The following HERC4 variants were observed in gnomAD, a reference collection of about 807,000 sequenced individuals.
HERC4 encodes probable E3 ubiquitin-protein ligase HERC4.
Under a neutral mutation model 124.3 loss-of-function variants are expected in HERC4, and 28 were observed. That is an observed-to-expected ratio of 0.23 (90% CI 0.17 to 0.31). The LOEUF (loss-of-function observed/expected upper bound fraction) is 0.31, where lower values mean the gene tolerates loss of function less well. Ranked by LOEUF, HERC4 falls within the 10% of genes least tolerant of loss-of-function variation. The probability of loss-of-function intolerance (pLI) is 1.00; values close to 1 mark genes in which losing one functional copy is unlikely to be tolerated. For synonymous variants in HERC4, 407 were observed against 421.5 expected (o/e 0.97, Z 0.42); for missense variants, 713 against 1,229.3 (o/e 0.58, Z 6.28).
chr10:67,990,186 A>G (rs1455420431), intron 14 of HERC4, 25 bp downstream of exon 14: 1 of 1,559,340 alleles, frequency 6.4e-7, no homozygotes, highest in Non-Finnish European at 8.7e-7. Context: ...AAAGGTTTCA[A>G]AAGAAAAAAT....
At chr10:68,056,045 G>A (rs2040533284) in intron 3 of HERC4, among the ~76,000 whole-genome samples, 2 of 152,070 alleles carry the variant, frequency 1.3e-5, no homozygotes. Context: ...ACCACGCCTG[G>A]CCCTTTTCTT....
intron 5 of HERC4, among the ~76,000 whole-genome samples, chr10:68,036,845 T>C (rs2039499190): frequency 6.6e-6 from 1 of 152,168 alleles, no homozygotes. Context: ...TTATATCAAT[T>C]AGAAACAATT....
chr10:68,056,362 C>T (rs535092249), intron 3 of HERC4, among the ~76,000 whole-genome samples: 12 of 152,140 alleles, frequency 7.9e-5, no homozygotes, highest in Non-Finnish European at 1.8e-4. Context: ...CATTCAACAA[C>T]CCTGCCCTGA....
intron 7 of HERC4, among the ~76,000 whole-genome samples, chr10:68,031,384 G>A (rs2039193745): frequency 6.6e-6 from 1 of 151,990 alleles, no homozygotes; most frequent in Non-Finnish European, 1.5e-5. Flanking sequence ...GAAAAAGGAC[G>A]AGTAAAATTT....
rs545225514 is a variant in HERC4, at chr10:67,977,864, C to G, written c.1806+10799G>C. On this transcript the variant is annotated intron_variant, in intron 15 of 24. Transcript: ENST00000373700. ...AGCACAATGTCACATGCCTGTAGTC[C>G]CAGCTACTTGGGAGGCTGAGGTGGG... Among the ~76,000 whole-genome samples the G allele has an allele frequency of 2.0e-5, 3 of 151,850 alleles. No homozygotes were observed. The East Asian group carries it at 5.8e-4, about 29-fold the overall frequency.
At chr10:67,923,269 AT>A in intron 24 of HERC4, 130 bp from the exon 25 acceptor site, 1 of 630,504 alleles carries the variant, frequency 1.6e-6, no homozygotes, top group Non-Finnish European at 2.7e-6. Flanking sequence ...TTACTTCCTA[AT>A]TTGTGGAAGA....
intron 9 of HERC4, among the ~76,000 whole-genome samples, chr10:68,006,764 A>T (rs2037593404): frequency 6.6e-6 from 1 of 152,056 alleles, no homozygotes; most frequent in Admixed American, 6.5e-5. Context: ...TTCTGGGATA[A>T]ATGTTATTTT....
intron 21 of HERC4, among the ~76,000 whole-genome samples, chr10:67,938,548 T>C (rs1165856429): frequency 6.6e-6 from 1 of 152,182 alleles, no homozygotes; most frequent in Non-Finnish European, 1.5e-5. Context: ...CTGGAGTGCC[T>C]TACCGTAATA....
rs763339420 is a variant in HERC4, at chr10:67,940,921, C to CT, written c.2504+17dup. 6.3e-5 allele frequency: 101 copies of CT among 1,600,166 alleles called. No homozygotes were observed. The highest frequency in any genetic ancestry group is 7.3e-5 in the Non-Finnish European group (86 of 1,175,508). ...CCTCCCAAACCCTACTACTTTTTGA[C>CT]TTTTTTTTCCAACTAACCTCCCAAC... On this transcript the variant is annotated intron_variant, in intron 20 of 24. Transcript: ENST00000373700.
intron 15 of HERC4, among the ~76,000 whole-genome samples, chr10:67,976,560 A>G (rs1196928021): frequency 6.6e-6 from 1 of 151,962 alleles, no homozygotes; most frequent in Non-Finnish European, 1.5e-5. Flanking sequence ...CAATTTAACA[A>G]CTATCTACAC....
intron 11 of HERC4, 137 bp from the exon 12 acceptor site, chr10:67,991,336 A>G: frequency 4.6e-6 from 2 of 432,842 alleles, no homozygotes; most frequent in South Asian, 1.5e-4. Context: ...CAATTAGATG[A>G]ATCAGAATTA....
At chr10:67,982,984 T>C (rs1175891887) in intron 15 of HERC4, among the ~76,000 whole-genome samples, 2 of 146,400 alleles carry the variant, frequency 1.4e-5, no homozygotes, top group African/African-American at 2.6e-5. Flanking sequence ...AAAAATTAGC[T>C]GGGCATGGTG....
intron 9 of HERC4, among the ~76,000 whole-genome samples, chr10:67,996,617 G>GT (rs1291548810): frequency 6.6e-6 from 1 of 152,072 alleles, no homozygotes. Context: ...TTAAAAAATA[G>GT]TTTTTTATTT....
intron 3 of HERC4, among the ~76,000 whole-genome samples, chr10:68,048,879 T>C (rs1332958712): frequency 2.0e-5 from 3 of 152,158 alleles, no homozygotes; most frequent in African/African-American, 7.2e-5. Context: ...CAAGATACCA[T>C]TTATTCATCT....
intron 3 of HERC4, chr10:68,070,398 G>C (rs2041511609): frequency 2.6e-6 from 1 of 381,980 alleles, no homozygotes; most frequent in Non-Finnish European, 3.6e-6. Context: ...CCTGAGGTCA[G>C]GAGTTCGAGA....
intron 9 of HERC4, among the ~76,000 whole-genome samples, chr10:68,002,403 A>AT (rs1282026272): frequency 6.6e-6 from 1 of 152,106 alleles, no homozygotes; most frequent in Non-Finnish European, 1.5e-5. Context: ...AAAGAAGGAC[A>AT]TTTTGGTTTC....
chr10:68,037,182 C>A (rs2039523187), intron 5 of HERC4, among the ~76,000 whole-genome samples: 1 of 151,140 alleles, frequency 6.6e-6, no homozygotes, highest in South Asian at 2.1e-4. Flanking sequence ...GCAACTTCCG[C>A]CTCCCGGGTT....
chr10:67,967,812 A>G (rs2034978788), intron 15 of HERC4, among the ~76,000 whole-genome samples: 1 of 152,194 alleles, frequency 6.6e-6, no homozygotes, highest in Non-Finnish European at 1.5e-5. Context: ...GGAACAAGTT[A>G]AATAAACATC....
At chr10:67,932,283 G>A (rs2031904753) in intron 23 of HERC4, among the ~76,000 whole-genome samples, 1 of 152,082 alleles carries the variant, frequency 6.6e-6, no homozygotes, top group African/African-American at 2.4e-5. Context: ...ATCAGGTCTT[G>A]CTGTGCTCCC....
Sources: allele counts gnomAD v4.1 joint callset (sites outside exome capture counted in the v4.1 genomes callset), GRCh38; gene constraint gnomAD v4.1.1; transcripts MANE v1.5; gene names NCBI Gene and HGNC (gene_info 2026-07-23, HGNC 2026-07-21).